The following VASP variants were observed in gnomAD, a reference collection of about 807,000 sequenced individuals.
The protein encoded by VASP is vasodilator-stimulated phosphoprotein.
Under a neutral mutation model 54.4 loss-of-function variants are expected in VASP, and 27 were observed. The ratio of observed to expected loss-of-function variants is 0.50; its 90% CI spans 0.37 to 0.68. The LOEUF is 0.68. Among genes scored for constraint, VASP ranks in the 30% least tolerant of loss-of-function variants. The probability of loss-of-function intolerance (pLI) is 0.00; values close to 1 mark genes in which losing one functional copy is unlikely to be tolerated. For synonymous variants in VASP, 233 were observed against 209.8 expected, an observed-to-expected ratio of 1.11 and a Z score of -0.96; for missense variants, 488 against 528.3, an observed-to-expected ratio of 0.92 and a Z score of 0.75.
In VASP at chr19:45,522,433, C is replaced by T. The variant is rs568311975; in HGVS notation, c.572C>T (p.Ser191Leu). The T allele has an allele frequency of 1.6e-5, 24 of 1,520,784 alleles. No homozygotes were observed. The highest frequency in any genetic ancestry group is 2.4e-4 in the Middle Eastern group (1 of 4,252). 94.2% of individuals were successfully genotyped at this position (1,520,784 alleles called of 1,614,324 possible). A position where few individuals can be genotyped will look rare whatever the true frequency, so the allele number is the denominator to read the frequency against. ...GPPPPPGLPP[S>L]GVPAAAHGAG... ...CCCCCACCCCCAGGTTTGCCCCCTT[C>T]GGGGGTCCCAGCTGCAGCGCACGGA... Residue 191 changes from serine (S) to leucine (L), a missense_variant, in exon 6 of 13, where the codon TCG becomes TTG. Ser to Leu is a moderately radical substitution (Grantham distance 145). Transcript: ENST00000245932.
chr19:45,516,645 T>C (rs980814297), intron 1 of VASP, among the ~76,000 whole-genome samples: 1 of 152,168 alleles, frequency 6.6e-6, no homozygotes, highest in Non-Finnish European at 1.5e-5. Flanking sequence ...TGTCTCTCCA[T>C]CTTTATCTTT....
At chr19:45,512,573 C>T (rs1968620926) in intron 1 of VASP, among the ~76,000 whole-genome samples, 1 of 150,538 alleles carries the variant, frequency 6.6e-6, no homozygotes, top group South Asian at 2.1e-4. Context: ...CAGGCTTGAG[C>T]CACTGCGCCT....
At chr19:45,518,406 T>TA (rs1968755752) in intron 3 of VASP, among the ~76,000 whole-genome samples, 1 of 151,946 alleles carries the variant, frequency 6.6e-6, no homozygotes, top group Non-Finnish European at 1.5e-5. Context: ...CTATTAAAAT[T>TA]CAAAAATTAG....
At chr19:45,517,907 C>A in intron 2 of VASP, 22 bp from the exon 3 acceptor site, 1 of 1,599,464 alleles carries the variant, frequency 6.3e-7, no homozygotes, top group Non-Finnish European at 8.5e-7. Context: ...CCGCCCCTCA[C>A]CCCCCTTTCC....
chr19:45,517,629 G>A (rs1163402065), intron 1 of VASP, 34 bp from the exon 2 acceptor site: 2 of 1,592,238 alleles, frequency 1.3e-6, no homozygotes, highest in East Asian at 2.2e-5. Context: ...ATAAGAAGGT[G>A]ACCGGCCCCT....
intron 3 of VASP, among the ~76,000 whole-genome samples, chr19:45,520,608 G>A (rs1412216060): frequency 6.6e-6 from 1 of 152,192 alleles, no homozygotes. Context: ...GGTAGGTGAG[G>A]AAGAAGCTCT....
At chr19:45,520,788 A>T (rs1968814102) in intron 3 of VASP, among the ~76,000 whole-genome samples, 1 of 152,108 alleles carries the variant, frequency 6.6e-6, no homozygotes, top group Non-Finnish European at 1.5e-5. Flanking sequence ...ACATGGTGAA[A>T]TCCCATCTCT....
intron 11 of VASP, 174 bp downstream of exon 11, chr19:45,524,834 C>T (rs1054908772): frequency 5.0e-6 from 3 of 596,030 alleles, no homozygotes; most frequent in African/African-American, 3.7e-5. Context: ...CCTTTTCTGG[C>T]ACCTGTGACA....
At chr19:45,525,406 T>G (rs1968939340) in intron 11 of VASP, among the ~76,000 whole-genome samples, 2 of 151,772 alleles carry the variant, frequency 1.3e-5, no homozygotes, top group African/African-American at 4.8e-5. Context: ...CTACTAAAAA[T>G]ACAAAAATTA....
chr19:45,513,468 C>CCTTTTTTTTTTTT (rs1968640369), intron 1 of VASP, among the ~76,000 whole-genome samples: 2 of 92,766 alleles, frequency 2.2e-5, no homozygotes, highest in African/African-American at 9.5e-5. Context: ...AGTCTCTCTC[C>CCTTTTTTTTTTTT]TTTTTTTTTT....
intron 1 of VASP, among the ~76,000 whole-genome samples, chr19:45,512,444 C>T (rs1275596266): frequency 1.3e-5 from 2 of 151,904 alleles, no homozygotes; most frequent in East Asian, 1.9e-4. Context: ...CGCGCCACCA[C>T]GCCCAGCAAA....
intron 3 of VASP, among the ~76,000 whole-genome samples, chr19:45,518,704 G>A (rs954913990): frequency 1.3e-5 from 2 of 152,220 alleles, no homozygotes; most frequent in Non-Finnish European, 2.9e-5. Flanking sequence ...TCGCTCTGTT[G>A]CCCAGGCTGG....
In VASP at chr19:45,522,783, A is replaced by T; in HGVS notation, c.786A>T (p.Gly262=). Residue 262 remains glycine (G), a synonymous_variant, in exon 7 of 13, where the codon GGA becomes GGT. Coordinates refer to ENST00000245932, the MANE Select transcript of VASP (RefSeq NM_003370.4). ...AGAGTGGTCGAAGCGGAGGTGGGGGACTCATGGAAGAGATGAACGCCATGC... is the reference window on the plus strand; with the variant it reads ...AGAGTGGTCGAAGCGGAGGTGGGGGTCTCATGGAAGAGATGAACGCCATGC... ...KAESGRSGGG[G]LMEEMNAMLA... is the part of the protein sequence containing the mutation. 6 of 1,602,268 alleles carry T rather than the reference A, an allele frequency of 3.7e-6. No individual in the cohort carries two copies. Among genetic ancestry groups the T allele is most frequent in the Non-Finnish European group, 5.1e-6 (6 of 1,176,590 alleles).
At position 45,517,686 on chromosome 19, in the gene VASP, G is replaced by A. The variant is rs190763638; in HGVS notation, c.29G>A (p.Arg10Gln). Reference protein sequence around the residue: MSETVICSSRATVMLYDDGN... With the variant: MSETVICSSQATVMLYDDGN... ...AGCGAGACGGTCATCTGTTCCAGCC[G>A]GGCCACTGTGATGCTTTATGATGAT... Residue 10 changes from arginine (R) to glutamine (Q), a missense_variant, in exon 2 of 13, where the codon CGG (arginine) becomes CAG (glutamine). By Grantham distance (43) the Arg-to-Gln change is conservative (BLOSUM62 1). This residue lies in a region of VASP where 127 missense variants were observed against 170.7 expected (regional missense o/e 0.74). Transcript: ENST00000245932. 14 of 1,610,572 alleles carry A rather than the reference G, an allele frequency of 8.7e-6. No homozygotes were observed. The highest frequency in any genetic ancestry group is 1.3e-5 in the African/African-American group (1 of 75,036).
intron 1 of VASP, among the ~76,000 whole-genome samples, chr19:45,517,044 G>A (rs1359588653): frequency 3.4e-5 from 5 of 147,814 alleles, no homozygotes; most frequent in South Asian, 4.3e-4. Context: ...TGTAGTCCCA[G>A]CTACTTGGGA....
At chr19:45,516,401 C>T (rs1968701998) in intron 1 of VASP, among the ~76,000 whole-genome samples, 1 of 152,232 alleles carries the variant, frequency 6.6e-6, no homozygotes, top group South Asian at 2.1e-4. Context: ...GATGGGTCCC[C>T]AACCTGCTGC....
chr19:45,509,775 CT>C (rs560979240), intron 1 of VASP, among the ~76,000 whole-genome samples: 68 of 152,336 alleles, frequency 4.5e-4, no homozygotes, highest in African/African-American at 1.5e-3. Context: ...ACCCATGCCC[CT>C]ATTACCCAGC....
intron 11 of VASP, 58 bp from the exon 12 acceptor site, chr19:45,525,888 A>T: frequency 6.6e-7 from 1 of 1,525,364 alleles, no homozygotes; most frequent in South Asian, 1.2e-5. Context: ...AAGAAGGGGG[A>T]TTCATTCCTG....
In VASP at chr19:45,517,782, C is replaced by G. The variant is rs1968736034; in HGVS notation, c.125C>G (p.Pro42Arg). 1 of 1,613,846 alleles carries G rather than the reference C, an allele frequency of 6.2e-7. No individual in the cohort carries two copies. Among genetic ancestry groups the G allele is most frequent in the South Asian group, 1.1e-5 (1 of 91,088 alleles). ...AGCCGCGTCCAGATCTACCACAACC[C>G]CACGGCCAATTCCTTTCGCGTCGTG... ...AFSRVQIYHNPTANSFRVVGR... is the reference protein window; with the variant it reads ...AFSRVQIYHNRTANSFRVVGR... The change falls in exon 2 of 13, where the codon CCC becomes CGC. Residue 42 changes from proline to arginine, a missense_variant. Physicochemically the swap from Pro to Arg is moderately radical, Grantham distance 103. Coordinates refer to ENST00000245932, the MANE Select transcript of VASP (RefSeq NM_003370.4).
Sources: allele counts gnomAD v4.1 joint callset (sites outside exome capture counted in the v4.1 genomes callset), GRCh38; gene constraint gnomAD v4.1.1; regional missense constraint gnomAD v4.1.1; transcripts MANE v1.5; gene names NCBI Gene and HGNC (gene_info 2026-07-23, HGNC 2026-07-21).